QRICH1: variants seen among roughly 807,000 people sequenced by gnomAD.
QRICH1 encodes transcriptional regulator QRICH1.
Under a neutral mutation model 87.1 loss-of-function variants are expected in QRICH1, and 16 were observed. That is an observed-to-expected ratio of 0.18 (90% CI 0.12 to 0.28). The LOEUF is 0.28. QRICH1 is among the 10% of genes least tolerant of loss of function. QRICH1 has a pLI of 1.00. For synonymous variants in QRICH1, 367 were observed against 368.4 expected, an observed-to-expected ratio of 1.00 and a Z score of 0.05; for missense variants, 647 against 951.7, an observed-to-expected ratio of 0.68 and a Z score of 4.21.
At chr3:49,071,034 G>A (rs1305539658) in intron 2 of QRICH1, among the ~76,000 whole-genome samples, 1 of 148,850 alleles carries the variant, frequency 6.7e-6, no homozygotes, top group Non-Finnish European at 1.5e-5. Flanking sequence ...TGAACATAAA[G>A]TCTCAAAAAA....
chr3:49,059,295 T>C (rs2093421265), intron 2 of QRICH1, among the ~76,000 whole-genome samples: 1 of 151,836 alleles, frequency 6.6e-6, no homozygotes, highest in Admixed American at 6.6e-5. Flanking sequence ...GGTCTTGCTC[T>C]GTTGCCCAGG....
chr3:49,050,627 G>A (rs1023596219), intron 3 of QRICH1, among the ~76,000 whole-genome samples: 10 of 151,940 alleles, frequency 6.6e-5, no homozygotes, highest in Non-Finnish European at 1.2e-4. Flanking sequence ...AATCTGCAGC[G>A]TTGTGAAGAA....
chr3:49,058,076 CAAT>C, intron 2 of QRICH1, 186 bp from the exon 3 acceptor site: 1 of 1,010,942 alleles, frequency 9.9e-7, no homozygotes, highest in Non-Finnish European at 1.4e-6. Context: ...CAGCACATTA[CAAT>C]AACAGGGACA....
At chr3:49,035,584 C>T (rs1314992564) in intron 6 of QRICH1, among the ~76,000 whole-genome samples, 1 of 151,662 alleles carries the variant, frequency 6.6e-6, no homozygotes, top group Non-Finnish European at 1.5e-5. Flanking sequence ...AGGAGGACTG[C>T]TTGAACCCAG....
chr3:49,056,489 C>A (rs1480094066), intron 3 of QRICH1, among the ~76,000 whole-genome samples: 1 of 152,176 alleles, frequency 6.6e-6, no homozygotes, highest in Non-Finnish European at 1.5e-5. Context: ...AAGTGTTTTG[C>A]TAAAACCATT....
In QRICH1 at chr3:49,057,925, G is replaced by A; in HGVS notation, c.310-35C>T. ...ACAAGATTCATCAGTGAGTGAACCA[G>A]GCAGCACTGAAAATCCAGTACCCAA... On this transcript the variant is annotated intron_variant, in intron 2 of 9. Coordinates refer to ENST00000395443, the MANE Select transcript of QRICH1 (RefSeq NM_198880.3). The surrounding 1 kb of genome is among the most constrained non-coding windows in gnomAD (Gnocchi z 5.4). 2 of 1,613,856 alleles carry A rather than the reference G, an allele frequency of 1.2e-6. No individual in the cohort carries two copies. Among genetic ancestry groups the A allele is most frequent in the Non-Finnish European group, 1.7e-6 (2 of 1,180,000 alleles).
chr3:49,055,669 GTTTT>G (rs956078506), intron 3 of QRICH1, among the ~76,000 whole-genome samples: 1 of 151,988 alleles, frequency 6.6e-6, no homozygotes, highest in Admixed American at 6.6e-5. Flanking sequence ...AGCACTAATA[GTTTT>G]TTTGTTTGTT....
In QRICH1 at chr3:49,057,717, G is replaced by A. The variant is rs757435453; in HGVS notation, c.483C>T (p.Pro161=). 2 of 1,614,210 alleles carry A rather than the reference G, an allele frequency of 1.2e-6. No individual in the cohort carries two copies. The highest frequency in any genetic ancestry group is 1.3e-5 in the African/African-American group (1 of 75,052). The change falls in exon 3 of 10, where the codon CCC becomes CCT. Residue 161 remains proline, a synonymous_variant. Transcript: ENST00000395443. The surrounding 1 kb of genome is among the most constrained non-coding windows in gnomAD (Gnocchi z 5.4). ...IQTPSLQSPS[P]SQLQAAQIQV... is the part of the protein sequence containing the mutation. ...GGATCTGAGCTGCTTGCAGCTGCGA[G>A]GGACTGGGACTCTGCAGAGACGGGG...
chr3:49,073,292 T>G (rs1015440584), intron 2 of QRICH1, among the ~76,000 whole-genome samples: 1 of 152,138 alleles, frequency 6.6e-6, no homozygotes, highest in Non-Finnish European at 1.5e-5. Context: ...GGATCACACC[T>G]GTACTTTGGA....
At chr3:49,077,500 T>C (rs191456557) in intron 1 of QRICH1, among the ~76,000 whole-genome samples, 23 of 152,324 alleles carry the variant, frequency 1.5e-4, no homozygotes, top group East Asian at 9.6e-4. Context: ...TGCCACCTAG[T>C]TGTGGCAAGA....
intron 4 of QRICH1, 137 bp from the exon 5 acceptor site, chr3:49,046,716 C>G: frequency 3.1e-6 from 3 of 970,212 alleles, no homozygotes; most frequent in Non-Finnish European, 4.5e-6. Flanking sequence ...CCTGTAATGT[C>G]AGAACTGGCC....
intron 3 of QRICH1, among the ~76,000 whole-genome samples, chr3:49,047,746 G>A (rs1431224401): frequency 1.3e-5 from 2 of 151,978 alleles, no homozygotes; most frequent in Non-Finnish European, 2.9e-5. Flanking sequence ...GTCTCCCAAA[G>A]TGCTGGGATT....
In QRICH1 at chr3:49,047,098, T is replaced by C; in HGVS notation, c.1487A>G (p.Asp496Gly). Residue 496 changes from aspartate to glycine, a missense_variant, in exon 4 of 10, where the codon GAT (aspartate) becomes GGT (glycine). Physicochemically the swap from Asp to Gly is moderately conservative, Grantham distance 94 (BLOSUM62 -1). Coordinates refer to ENST00000395443, the MANE Select transcript of QRICH1 (RefSeq NM_198880.3). ...AATGGGTGCCAATCTGTTCTGAGCA[T>C]CCTTCTCTAGTTCAGCATTCTTGGT... ...AQTKNAELEK[D>G]AQNRLAPIGR... The C allele has an allele frequency of 6.2e-7, 1 of 1,614,134 alleles. No individual in the cohort carries two copies. The highest frequency in any genetic ancestry group is 8.5e-7 in the Non-Finnish European group (1 of 1,180,016).
At chr3:49,080,941 G>A (rs1575378394) in intron 1 of QRICH1, among the ~76,000 whole-genome samples, 1 of 123,944 alleles carries the variant, frequency 8.1e-6, no homozygotes, top group Non-Finnish European at 1.6e-5. Context: ...ACTCCAGGCT[G>A]GGCAACAAGA....
chr3:49,057,582 A>C lies in QRICH1; in HGVS notation c.618T>G (p.Ala206=). Reference sequence around the variant, plus strand: ...TCTGGATTTGGATCTGCTGACCACCAGCAAGAGACTGGCCAGCCACCAGCT... The same window carrying C: ...TCTGGATTTGGATCTGCTGACCACCCGCAAGAGACTGGCCAGCCACCAGCT... ...QAQLVAGQSL[A]GGQQIQIQTV... Residue 206 remains alanine, a synonymous_variant, in exon 3 of 10, where the codon GCT becomes GCG. Transcript: ENST00000395443. This position sits in a 1 kb window ranked among gnomAD's most constrained non-coding sequence, Gnocchi z 5.4. 1 of 1,613,700 alleles carries C rather than the reference A, an allele frequency of 6.2e-7. No individual in the cohort carries two copies. Among genetic ancestry groups the C allele is most frequent in the East Asian group, 2.2e-5 (1 of 44,874 alleles).
chr3:49,067,573 A>G (rs2106943791), intron 2 of QRICH1, among the ~76,000 whole-genome samples: 1 of 152,166 alleles, frequency 6.6e-6, no homozygotes, highest in South Asian at 2.1e-4. Context: ...GTCTCGAAAA[A>G]AAAAACAAAA....
At position 49,088,708 on chromosome 3, in the gene QRICH1, C is replaced by T. The variant is rs141674997; in HGVS notation, c.-22+5204G>A. On this transcript the variant is annotated intron_variant, in intron 1 of 9. Transcript: ENST00000395443. ...TGGTGCATTCATAGATCCCTGCAGC[C>T]TCACACTCCTGGGCTCAAACAATCC... 2.9e-3 allele frequency among the ~76,000 whole-genome samples: 437 copies of T among 151,124 alleles called. 4 individuals carry two copies. The highest frequency in any genetic ancestry group is 0.01 in the African/African-American group (415 of 41,052).
intron 2 of QRICH1, among the ~76,000 whole-genome samples, chr3:49,068,161 G>A (rs189392609): frequency 5.9e-5 from 9 of 151,968 alleles, no homozygotes; most frequent in African/African-American, 1.7e-4. Flanking sequence ...TTTGAGGCCA[G>A]CCTAGGCAAC....
intron 1 of QRICH1, among the ~76,000 whole-genome samples, chr3:49,079,159 C>T (rs1333200207): frequency 6.6e-6 from 1 of 151,828 alleles, no homozygotes; most frequent in East Asian, 1.9e-4. Context: ...TGCTTGAGCC[C>T]AGAGATCGAG....
Sources: gnomAD v4.1 joint callset for allele counts (sites outside exome capture counted in the v4.1 genomes callset) on GRCh38, gnomAD v4.1.1 for gene constraint, Gnocchi (gnomAD v3.1) non-coding constraint, MANE v1.5 for transcripts, NCBI Gene and HGNC (gene_info 2026-07-23, HGNC 2026-07-21) for gene names.